NBEA: variants seen among roughly 807,000 people sequenced by gnomAD.
NBEA encodes lysosomal-trafficking regulator 2.
A neutral mutation model predicts 343.4 loss-of-function variants in NBEA; 44 were observed. The ratio of observed to expected loss-of-function variants is 0.13; its 90% CI spans 0.10 to 0.16. NBEA has a LOEUF of 0.16. Among genes scored for constraint, NBEA ranks in the 10% least tolerant of loss-of-function variants. The probability of loss-of-function intolerance (pLI) is 1.00; values close to 1 mark genes in which losing one functional copy is unlikely to be tolerated. For missense variants in NBEA, 2,555 were observed against 3,631.3 expected (o/e 0.70, Z 7.62); for synonymous variants, 1,175 against 1,238.7 (o/e 0.95, Z 1.08).
chr13:35,261,762 A>G (rs1490167850), intron 34 of NBEA, among the ~76,000 whole-genome samples: 2 of 152,166 alleles, frequency 1.3e-5, no homozygotes, highest in African/African-American at 4.8e-5. Flanking sequence ...AACCTATTAC[A>G]TAAATCAAGC....
chr13:35,526,957 G>C (rs1300167214), intron 41 of NBEA, among the ~76,000 whole-genome samples: 1 of 152,068 alleles, frequency 6.6e-6, no homozygotes, highest in Non-Finnish European at 1.5e-5. Flanking sequence ...GCCCCAAAGA[G>C]AGTATCACAA....
chr13:35,265,608 A>C (rs1166189687), intron 34 of NBEA, among the ~76,000 whole-genome samples: 1 of 151,738 alleles, frequency 6.6e-6, no homozygotes, highest in Admixed American at 6.6e-5. Context: ...AAAACAGTGG[A>C]GGTAGGGAGA....
intron 13 of NBEA, among the ~76,000 whole-genome samples, chr13:35,111,790 G>T (rs1366892737): frequency 6.6e-6 from 1 of 151,748 alleles, no homozygotes; most frequent in Non-Finnish European, 1.5e-5. Context: ...TTTTTTTCAG[G>T]AATGTCATAT....
intron 48 of NBEA, among the ~76,000 whole-genome samples, chr13:35,614,919 C>A (rs1024013777): frequency 1.3e-5 from 2 of 151,998 alleles, no homozygotes; most frequent in African/African-American, 4.8e-5. Flanking sequence ...TGAAGGTTGA[C>A]CAGGATATCA....
At chr13:35,170,642 T>G (rs2070390116) in intron 25 of NBEA, among the ~76,000 whole-genome samples, 1 of 151,882 alleles carries the variant, frequency 6.6e-6, no homozygotes, top group Non-Finnish European at 1.5e-5. Context: ...ACTAGTGTTT[T>G]ATAAGTCACG....
At chr13:35,590,200 G>C (rs1008021360) in intron 46 of NBEA, among the ~76,000 whole-genome samples, 1 of 152,038 alleles carries the variant, frequency 6.6e-6, no homozygotes, top group African/African-American at 2.4e-5. Flanking sequence ...GTGGCTTGAA[G>C]GTAAAAGGGA....
At chr13:35,566,572 T>A (rs2080148246) in intron 44 of NBEA, among the ~76,000 whole-genome samples, 2 of 152,106 alleles carry the variant, frequency 1.3e-5, no homozygotes, top group Non-Finnish European at 2.9e-5. Context: ...TTGAAGAGAC[T>A]TTGCTCACAT....
chr13:35,529,386 A>G (rs1314144488), intron 41 of NBEA, among the ~76,000 whole-genome samples: 1 of 152,184 alleles, frequency 6.6e-6, no homozygotes, highest in Non-Finnish European at 1.5e-5. Flanking sequence ...TAAGTACACT[A>G]TGCACTTGTG....
chr13:35,618,111 A>G (rs1430145977), intron 48 of NBEA, among the ~76,000 whole-genome samples: 1 of 152,166 alleles, frequency 6.6e-6, no homozygotes, highest in Non-Finnish European at 1.5e-5. Flanking sequence ...ATCTTCAGTT[A>G]TTTGAAAGAG....
intron 44 of NBEA, among the ~76,000 whole-genome samples, chr13:35,566,194 C>G (rs1431052242): frequency 2.0e-5 from 3 of 152,040 alleles, no homozygotes; most frequent in African/African-American, 7.2e-5. Flanking sequence ...AACCCCATCT[C>G]TACCAAAAAT....
intron 10 of NBEA, among the ~76,000 whole-genome samples, chr13:35,094,023 A>G (rs2065211985): frequency 6.6e-6 from 1 of 151,914 alleles, no homozygotes; most frequent in South Asian, 2.1e-4. Context: ...TTTACATATG[A>G]AAATTTTAAC....
chr13:35,451,897 G>A (rs1005994552), intron 39 of NBEA, among the ~76,000 whole-genome samples, 195 bp from the exon 40 acceptor site: 3 of 152,052 alleles, frequency 2.0e-5, no homozygotes, highest in African/African-American at 7.2e-5. Flanking sequence ...AATAAGGGTA[G>A]ATCATTACAG....
intron 39 of NBEA, among the ~76,000 whole-genome samples, chr13:35,451,620 T>C (rs958801761): frequency 3.9e-5 from 6 of 152,250 alleles, no homozygotes; most frequent in African/African-American, 1.2e-4. Context: ...TGCATACTTA[T>C]CCACTTTCAA....
intron 41 of NBEA, among the ~76,000 whole-genome samples, chr13:35,546,775 G>A (rs1212743017): frequency 6.6e-6 from 1 of 151,866 alleles, no homozygotes; most frequent in Non-Finnish European, 1.5e-5. Flanking sequence ...GGCTGGTCTC[G>A]AACTCCTGAC....
intron 10 of NBEA, among the ~76,000 whole-genome samples, chr13:35,091,558 C>A (rs183303187): frequency 1.1e-3 from 166 of 152,056 alleles, no homozygotes; most frequent in African/African-American, 2.6e-3. Context: ...AAATGACTTA[C>A]ACATAAATTC....
At chr13:35,379,740 A>G (rs991561179) in intron 38 of NBEA, among the ~76,000 whole-genome samples, 1 of 149,878 alleles carries the variant, frequency 6.7e-6, no homozygotes, top group Admixed American at 6.6e-5. Context: ...ATATTCAGTC[A>G]AAGTGTTATT....
chr13:34,954,801 G>A (rs2059443770), intron 1 of NBEA, among the ~76,000 whole-genome samples: 1 of 152,098 alleles, frequency 6.6e-6, no homozygotes, highest in Non-Finnish European at 1.5e-5. Flanking sequence ...TTCTGTTGCA[G>A]TGTTGAGGGA....
At chr13:35,172,434 A>G (rs1182947923) in intron 26 of NBEA, among the ~76,000 whole-genome samples, 1 of 152,006 alleles carries the variant, frequency 6.6e-6, no homozygotes, top group Admixed American at 6.6e-5. Context: ...AGAGCTGTCA[A>G]ATGAACTGTG....
rs575463554 is a variant in NBEA, at chr13:35,483,882, A to C, written c.6585+11346A>C. Among the ~76,000 whole-genome samples, 157 of 152,120 alleles carry C rather than the reference A, an allele frequency of 1.0e-3. 1 individual carries two copies. The highest frequency in any genetic ancestry group is 3.5e-3 in the African/African-American group (145 of 41,530). On this transcript the variant is annotated intron_variant, in intron 41 of 58. Transcript: ENST00000379939. ...CTGTGTACAGACACACACACACACA[A>C]AAACACCAGTGTTTAAGATAGCAAA...
Sources: allele counts gnomAD v4.1 joint callset (sites outside exome capture counted in the v4.1 genomes callset), GRCh38; gene constraint gnomAD v4.1.1; transcripts MANE v1.5; gene names NCBI Gene and HGNC (gene_info 2026-07-23, HGNC 2026-07-21).